Variants in HMOX1 observed in about 807,000 individuals in gnomAD.
The protein encoded by HMOX1 is heme oxygenase 1.
In HMOX1, 22 loss-of-function variants were observed where a neutral mutation model predicts 27.8. The observed-to-expected ratio is 0.79, with a 90% CI of 0.57 to 1.13. HMOX1 has a LOEUF of 1.13. Among genes scored for constraint, HMOX1 ranks in the 50% most tolerant of loss-of-function variants. HMOX1 has a pLI of 0.00. For missense variants in HMOX1, 379 were observed against 377.7 expected (o/e 1.00, Z -0.03); for synonymous variants, 153 against 151.6 (o/e 1.01, Z -0.07).
Position 35,393,936 on chromosome 22 carries a change from T to G in HMOX1, c.*338T>G. ...AGCCCTGAGTTTCAAGTATCCTTGT[T>G]GACACGGCCATGACCACTTTCCCCG... is the stretch of plus-strand genomic sequence containing the variant. On this transcript the variant is annotated 3_prime_UTR_variant, in exon 5 of 5. Transcript: ENST00000216117. The G allele has an allele frequency of 2.7e-6, 1 of 367,248 alleles. No individual in the cohort carries two copies. Among genetic ancestry groups the G allele is most frequent in the Non-Finnish European group, 5.3e-6 (1 of 188,744 alleles). The allele number at this position is 367,248 out of a possible 1,614,324, so 22.7% of individuals were successfully genotyped here.
rs1569056065 is a variant in HMOX1 at position 35,386,792 on chromosome 22, C to T, written c.252C>T (p.His84=). ...FAPVYFPEEL[H]RKAALEQDLA... ...CTGTCTACTTCCCAGAAGAGCTGCACCGCAAGGCTGCCCTGGAGCAGGACC... is the reference window on the plus strand; with the variant it reads ...CTGTCTACTTCCCAGAAGAGCTGCATCGCAAGGCTGCCCTGGAGCAGGACC... The change falls in exon 3 of 5, where the codon CAC becomes CAT. Residue 84 remains histidine (H), a synonymous_variant. Coordinates refer to ENST00000216117, the MANE Select transcript of HMOX1 (RefSeq NM_002133.3). 8 of 1,614,240 alleles carry T rather than the reference C, an allele frequency of 5.0e-6. No homozygotes were observed. The highest frequency in any genetic ancestry group is 6.8e-6 in the Non-Finnish European group (8 of 1,180,042).
At chr22:35,389,395 C>CCTTCCTTCCTTTCTTCCTTTCTTT (rs1555901604) in intron 3 of HMOX1, among the ~76,000 whole-genome samples, 1 of 51,786 alleles carries the variant, frequency 1.9e-5, no homozygotes, top group Non-Finnish European at 3.4e-5. Flanking sequence ...TTCCTTCCTT[C>CCTTCCTTCCTTTCTTCCTTTCTTT]CTTTCTTTCT....
At chr22:35,386,463 G>C (rs1931504397) in intron 2 of HMOX1, among the ~76,000 whole-genome samples, 1 of 152,158 alleles carries the variant, frequency 6.6e-6, no homozygotes, top group South Asian at 2.1e-4. Context: ...TTGCCCAGTG[G>C]GGTAAAAGGT....
At chr22:35,383,291 A>G in intron 2 of HMOX1, 65 bp downstream of exon 2, 1 of 1,587,608 alleles carries the variant, frequency 6.3e-7, no homozygotes, top group Non-Finnish European at 8.6e-7. Flanking sequence ...CCCAAGGCTC[A>G]GACCAGTGGT....
intron 4 of HMOX1, among the ~76,000 whole-genome samples, chr22:35,390,742 C>T (rs1931696333): frequency 6.6e-6 from 1 of 152,170 alleles, no homozygotes; most frequent in Non-Finnish European, 1.5e-5. Context: ...TTAATTTAGA[C>T]TCCTTTTTAG....
At chr22:35,384,717 C>T (rs553777809) in intron 2 of HMOX1, among the ~76,000 whole-genome samples, 1 of 150,460 alleles carries the variant, frequency 6.6e-6, no homozygotes, top group South Asian at 2.1e-4. Context: ...CCAGGCTGCC[C>T]TCTGTGCTGG....
chr22:35,381,466 ATT>A, intron 1 of HMOX1: 1 of 474,398 alleles, frequency 2.1e-6, no homozygotes, highest in African/African-American at 2.1e-5. Flanking sequence ...GAGGTAGCCA[ATT>A]TTTTTTTTAA....
intron 3 of HMOX1, among the ~76,000 whole-genome samples, chr22:35,388,639 CA>C: frequency 6.6e-6 from 1 of 150,918 alleles, no homozygotes; most frequent in African/African-American, 2.4e-5. Context: ...AAAGAAAATA[CA>C]AAAAAAATTA....
chr22:35,382,038 T>C (rs916409702), intron 1 of HMOX1, among the ~76,000 whole-genome samples: 15 of 152,288 alleles, frequency 9.8e-5, no homozygotes, highest in African/African-American at 3.6e-4. Context: ...ATGATGAGCA[T>C]AACATGATAG....
At chr22:35,388,526 G>A (rs1046219885) in intron 3 of HMOX1, among the ~76,000 whole-genome samples, 2 of 151,566 alleles carry the variant, frequency 1.3e-5, no homozygotes, top group Admixed American at 6.6e-5. Flanking sequence ...GGTGGGTCAC[G>A]CCTGTAATTC....
chr22:35,391,744 C>T (rs1206774140), intron 4 of HMOX1, among the ~76,000 whole-genome samples: 1 of 149,776 alleles, frequency 6.7e-6, no homozygotes, highest in Non-Finnish European at 1.5e-5. Flanking sequence ...TAGGCACGTG[C>T]CACCACACCC....
intron 3 of HMOX1, among the ~76,000 whole-genome samples, chr22:35,389,313 TTC>T (rs1256424668): frequency 5.5e-5 from 7 of 127,654 alleles, no homozygotes; most frequent in African/African-American, 7.8e-5. Flanking sequence ...CTTTCTTTCT[TTC>T]TTTCTTCTTT....
chr22:35,385,989 T>C (rs2145766249), intron 2 of HMOX1, among the ~76,000 whole-genome samples: 1 of 151,764 alleles, frequency 6.6e-6, no homozygotes, highest in African/African-American at 2.4e-5. Context: ...AGAATTTCGC[T>C]GTGTTGCCCA....
At position 35,390,006 on chromosome 22, in the gene HMOX1, G is replaced by C. The variant is rs778823110; in HGVS notation, c.736+43G>C. 16 of 1,292,206 alleles carry C rather than the reference G, an allele frequency of 1.2e-5. No individual in the cohort carries two copies. In the African/African-American group the frequency reaches 2.2e-4, roughly 18 times the overall value. The allele number at this position is 1,292,206 out of a possible 1,614,324, so 80.0% of individuals were successfully genotyped here. The stretch of plus-strand genomic sequence containing the variant: ...GGGGCACTTCCTCTGGGCTACACAT[G>C]GAGGGACTTGGCTGTCTGACTGTAG... On this transcript the variant is annotated intron_variant, in intron 4 of 4. Transcript: ENST00000216117.
At position 35,393,457 on chromosome 22, in the gene HMOX1, TTC is replaced by T; in HGVS notation, c.737-7_737-6del. 1 of 1,614,152 alleles carries T rather than the reference TTC, an allele frequency of 6.2e-7. No individual in the cohort carries two copies. Among genetic ancestry groups the T allele is most frequent in the Non-Finnish European group, 8.5e-7 (1 of 1,179,994 alleles). The stretch of plus-strand genomic sequence containing the variant: ...CACCTGTTAATGACCTTGCCCCATT[TTC>T]TCTTTCAGATTCTGCCCCCGTGGAG... On this transcript the variant is annotated splice_polypyrimidine_tract_variant and intron_variant, in intron 4 of 4. Transcript: ENST00000216117.
intron 4 of HMOX1, among the ~76,000 whole-genome samples, chr22:35,392,877 C>T (rs756173002): frequency 2.6e-5 from 4 of 152,056 alleles, no homozygotes; most frequent in African/African-American, 4.8e-5. Flanking sequence ...CAACCATACC[C>T]GGCTAATTTT....
chr22:35,389,343 C>T (rs1297124273), intron 3 of HMOX1, among the ~76,000 whole-genome samples: 1 of 30,274 alleles, frequency 3.3e-5, no homozygotes, highest in Non-Finnish European at 5.6e-5. Flanking sequence ...TCTTTCTTCT[C>T]CTTCCTTCCT....
intron 1 of HMOX1, 58 bp from the exon 2 acceptor site, chr22:35,383,048 T>C (rs940802083): frequency 1.2e-6 from 2 of 1,605,148 alleles, no homozygotes; most frequent in Non-Finnish European, 1.7e-6. Flanking sequence ...GGCTCAGCAG[T>C]TGGGAAGGAC....
chr22:35,383,569 C>G (rs9622193), intron 2 of HMOX1, among the ~76,000 whole-genome samples: 1 of 152,172 alleles, frequency 6.6e-6, no homozygotes, highest in Non-Finnish European at 1.5e-5. Context: ...GGTTCAGTGA[C>G]TAACAGAAGG....
Sources: gnomAD v4.1 joint callset for allele counts (sites outside exome capture counted in the v4.1 genomes callset) on GRCh38, gnomAD v4.1.1 for gene constraint, MANE v1.5 for transcripts, NCBI Gene and HGNC (gene_info 2026-07-23, HGNC 2026-07-21) for gene names.